The following GNG7 variants were observed in gnomAD, a reference collection of about 807,000 sequenced individuals.
The protein encoded by GNG7 is G protein subunit gamma 7.
A neutral mutation model predicts 4.0 loss-of-function variants in GNG7; 1 was observed. The observed-to-expected ratio is 0.25, with a 90% confidence interval of 0.09 to 1.18. GNG7 has a LOEUF of 1.18. GNG7 is among the 50% of genes most tolerant of loss of function. GNG7 has a pLI of 0.50. For missense variants in GNG7, 86 were observed against 91.9 expected, an observed-to-expected ratio of 0.94 and a Z score of 0.26; for synonymous variants, 34 against 36.9, an observed-to-expected ratio of 0.92 and a Z score of 0.29.
At position 2,651,282 on chromosome 19, in the gene GNG7, C is replaced by T. The variant is rs868424169; in HGVS notation, c.-134-5002G>A. 1.4e-3 allele frequency among the ~76,000 whole-genome samples: 141 copies of T among 98,490 alleles called. 1 individual carries two copies. Among genetic ancestry groups the T allele is most frequent in the African/African-American group, 6.4e-3 (129 of 20,254 alleles). The allele number at this position is 98,490 out of a possible 152,430, so 64.6% of individuals were successfully genotyped here. A position where few individuals can be genotyped will look rare whatever the true frequency, so the allele number is the denominator to read the frequency against. ...CTTCCTTCCTTCCTTCCCTCCCTCC[C>T]TCCATCCCTCCCTCCCTACCTTCCC... On this transcript the variant is annotated intron_variant, in intron 1 of 4. Coordinates refer to ENST00000382159, the MANE Select transcript of GNG7 (RefSeq NM_052847.3).
chr19:2,622,331 G>T (rs2144833813), intron 2 of GNG7, among the ~76,000 whole-genome samples: 1 of 152,278 alleles, frequency 6.6e-6, no homozygotes, highest in South Asian at 2.1e-4. Context: ...CGCCTGTGTC[G>T]GCCTCCCAAA....
intron 2 of GNG7, among the ~76,000 whole-genome samples, chr19:2,590,297 C>A (rs1980798810): frequency 6.6e-6 from 1 of 152,142 alleles, no homozygotes; most frequent in South Asian, 2.1e-4. Flanking sequence ...GAAAATGGGT[C>A]AGTCTTCCTT....
intron 3 of GNG7, among the ~76,000 whole-genome samples, chr19:2,530,907 C>T (rs1212860705): frequency 7.2e-5 from 11 of 152,094 alleles, no homozygotes; most frequent in East Asian, 1.9e-4. Context: ...ATCAGCTTCA[C>T]GAGGCCAAGG....
intron 3 of GNG7, among the ~76,000 whole-genome samples, chr19:2,530,601 T>C (rs1412531399): frequency 6.7e-6 from 1 of 150,056 alleles, no homozygotes; most frequent in Non-Finnish European, 1.5e-5. Flanking sequence ...GTGCCTGTAG[T>C]CCCAGCTACT....
chr19:2,630,572 C>A (rs753473221), intron 2 of GNG7: 9 of 151,972 alleles, frequency 5.9e-5, no homozygotes, highest in Non-Finnish European at 8.8e-5. Context: ...AGAGTTGCCC[C>A]CTCCTGACAG....
At chr19:2,573,503 A>C (rs10425927) in intron 2 of GNG7, among the ~76,000 whole-genome samples, 1 of 151,760 alleles carries the variant, frequency 6.6e-6, no homozygotes, top group African/African-American at 2.4e-5. Context: ...CTTCTGCGCT[A>C]TCTGTGGAGA....
intron 1 of GNG7, among the ~76,000 whole-genome samples, chr19:2,700,321 T>G (rs979861680): frequency 1.3e-5 from 2 of 152,086 alleles, no homozygotes; most frequent in African/African-American, 4.8e-5. Flanking sequence ...TTTGATATTT[T>G]TAGTAGAGAC....
chr19:2,638,184 G>A (rs1982366691), intron 2 of GNG7, among the ~76,000 whole-genome samples: 1 of 151,172 alleles, frequency 6.6e-6, no homozygotes, highest in African/African-American at 2.4e-5. Flanking sequence ...CTAACATGGT[G>A]AAACCCTGTC....
At position 2,634,344 on chromosome 19, in the gene GNG7, C is replaced by T. The variant is rs1489992604; in HGVS notation, c.-78+11880G>A. On this transcript the variant is annotated intron_variant, in intron 2 of 4. Coordinates refer to ENST00000382159, the MANE Select transcript of GNG7 (RefSeq NM_052847.3). The surrounding 1 kb of genome is among the most constrained non-coding windows in gnomAD (Gnocchi z 5.3). ...CTCCATGCCAGGAGCTCCCCCAAGT[C>T]GCGAAAACCACAGATGTCCCAGAAA... Among the ~76,000 whole-genome samples the T allele has an allele frequency of 1.3e-5, 2 of 152,112 alleles. No individual in the cohort carries two copies. Among genetic ancestry groups the T allele is most frequent in the Admixed American group, 1.3e-4 (2 of 15,272 alleles).
At chr19:2,552,012 C>T (rs1479268697) in intron 3 of GNG7, among the ~76,000 whole-genome samples, 2 of 152,160 alleles carry the variant, frequency 1.3e-5, no homozygotes, top group African/African-American at 2.4e-5. Context: ...TGCCCCCCAA[C>T]GCTTGCATTC....
intron 2 of GNG7, among the ~76,000 whole-genome samples, chr19:2,582,492 T>A (rs113040695): frequency 0.011 from 1,723 of 151,956 alleles, 38 homozygotes; most frequent in African/African-American, 0.04. Flanking sequence ...AATGACAATT[T>A]TTTTTTTTGA....
chr19:2,628,508 GGT>G (rs113456900), intron 2 of GNG7, among the ~76,000 whole-genome samples: 5,578 of 150,998 alleles, frequency 0.037, 119 homozygotes, highest in Middle Eastern at 0.085. Context: ...TTTCAACTGT[GGT>G]GTGTGTGTGT....
intron 2 of GNG7, among the ~76,000 whole-genome samples, chr19:2,594,705 A>G (rs1036086993): frequency 6.6e-6 from 1 of 152,178 alleles, no homozygotes; most frequent in Non-Finnish European, 1.5e-5. Context: ...TGATTTCCCA[A>G]CACAGAACCA....
At chr19:2,693,698 C>T (rs931882320) in intron 1 of GNG7, among the ~76,000 whole-genome samples, 1 of 152,108 alleles carries the variant, frequency 6.6e-6, no homozygotes, top group Admixed American at 6.6e-5. Flanking sequence ...GGAGCAGCCC[C>T]GGTTGTGACA....
chr19:2,623,186 G>T (rs1250280761), intron 2 of GNG7, among the ~76,000 whole-genome samples: 1 of 151,988 alleles, frequency 6.6e-6, no homozygotes, highest in Non-Finnish European at 1.5e-5. Context: ...GCCAGGCGTG[G>T]TGGTGCACCT....
intron 1 of GNG7, among the ~76,000 whole-genome samples, chr19:2,662,390 A>G (rs1477437943): frequency 6.6e-6 from 1 of 152,084 alleles, no homozygotes; most frequent in African/African-American, 2.4e-5. Context: ...ATCTACCTGG[A>G]GACAGCCTTG....
At chr19:2,589,975 C>T (rs1470617314) in intron 2 of GNG7, among the ~76,000 whole-genome samples, 1 of 152,154 alleles carries the variant, frequency 6.6e-6, no homozygotes, top group African/African-American at 2.4e-5. Flanking sequence ...CCGTACTCAG[C>T]TAATTTTTGT....
rs1283160041 is a variant in GNG7 at position 2,557,192 on chromosome 19, C to T, written c.-77-2004G>A. Among the ~76,000 whole-genome samples the T allele has an allele frequency of 6.6e-6, 1 of 151,706 alleles. No individual in the cohort carries two copies. The highest frequency in any genetic ancestry group is 6.6e-5 in the Admixed American group (1 of 15,236). On this transcript the variant is annotated intron_variant, in intron 2 of 4. Transcript: ENST00000382159. This position sits in a 1 kb window ranked among gnomAD's most constrained non-coding sequence, Gnocchi z 5.1. ...CACACACGTACACACAAGACACGTG[C>T]ACACACATTTGCATGCACACACAGA...
chr19:2,543,519 C>T (rs1979030449), intron 3 of GNG7, among the ~76,000 whole-genome samples: 1 of 152,226 alleles, frequency 6.6e-6, no homozygotes, highest in East Asian at 1.9e-4. Context: ...ACCCCCGCTC[C>T]CGGCCTGCAA....
Sources: allele counts gnomAD v4.1 joint callset (sites outside exome capture counted in the v4.1 genomes callset), GRCh38; gene constraint gnomAD v4.1.1; non-coding constraint Gnocchi (gnomAD v3.1); transcripts MANE v1.5; gene names NCBI Gene and HGNC (gene_info 2026-07-23, HGNC 2026-07-21).